TMEM40: variants seen among roughly 807,000 people sequenced by gnomAD.
TMEM40 encodes transmembrane protein 40.
In TMEM40, 34 loss-of-function variants were observed where a neutral mutation model predicts 40.8. That is an observed-to-expected ratio of 0.83 (90% CI 0.63 to 1.11). TMEM40 has a LOEUF of 1.11. Among genes scored for constraint, TMEM40 ranks in the 50% least tolerant of loss-of-function variants. The pLI is 0.00. For synonymous variants in TMEM40, 106 were observed against 107.0 expected (o/e 0.99, Z 0.06); for missense variants, 296 against 280.2 (o/e 1.06, Z -0.40).
intron 3 of TMEM40, among the ~76,000 whole-genome samples, chr3:12,745,067 AT>A (rs909652543): frequency 6.6e-5 from 10 of 151,372 alleles, no homozygotes; most frequent in Non-Finnish European, 1.2e-4. Context: ...AATTATTCCA[AT>A]TTTTTTTTGA....
intron 3 of TMEM40, 90 bp from the exon 4 acceptor site, chr3:12,744,079 T>A (rs2061407728): frequency 3.0e-6 from 4 of 1,348,370 alleles, no homozygotes; most frequent in Admixed American, 4.2e-5. Context: ...CAGAATTTAG[T>A]TTATGAGAAG....
intron 3 of TMEM40, among the ~76,000 whole-genome samples, chr3:12,744,552 G>A (rs555673989): frequency 9.3e-4 from 141 of 152,312 alleles, no homozygotes; most frequent in African/African-American, 3.1e-3. Flanking sequence ...GAGGGCCAGC[G>A]GTCTTGTGAT....
At chr3:12,756,860 T>C (rs1039136252) in intron 1 of TMEM40, among the ~76,000 whole-genome samples, 1 of 150,972 alleles carries the variant, frequency 6.6e-6, no homozygotes, top group African/African-American at 2.4e-5. Flanking sequence ...ATATACACAC[T>C]CTCTCTCTCA....
chr3:12,754,136 C>T (rs1032279237), intron 1 of TMEM40, among the ~76,000 whole-genome samples: 2 of 152,160 alleles, frequency 1.3e-5, no homozygotes, highest in African/African-American at 4.8e-5. Flanking sequence ...CACGGTGAAA[C>T]CCCGTCTCTA....
Position 12,740,131 on chromosome 3 carries a change from C to T in TMEM40, c.356-1543G>A, listed in dbSNP as rs2061370028. On this transcript the variant is annotated intron_variant, in intron 5 of 11. Coordinates refer to ENST00000314124, the MANE Select transcript of TMEM40 (RefSeq NM_018306.4). ...TATTTTGAGACAGAGTCTCACTGTG[C>T]CACCCAGGCTGGAGTGCAGCGGCAT... Among the ~76,000 whole-genome samples the T allele has an allele frequency of 2.0e-5, 3 of 149,582 alleles. No individual in the cohort carries two copies. The South Asian group carries it at 6.3e-4, about 31-fold the overall frequency.
At chr3:12,769,076 G>A (rs2061609815) in intron 1 of TMEM40, among the ~76,000 whole-genome samples, 1 of 152,110 alleles carries the variant, frequency 6.6e-6, no homozygotes, top group Admixed American at 6.5e-5. Context: ...GCATTGCTGG[G>A]GTACCCGGCG....
intron 11 of TMEM40, among the ~76,000 whole-genome samples, chr3:12,735,011 C>G (rs1013492772): frequency 2.6e-5 from 4 of 152,214 alleles, no homozygotes; most frequent in Admixed American, 2.6e-4. Context: ...AGCCACACAG[C>G]CACTTGGCCT....
intron 10 of TMEM40, among the ~76,000 whole-genome samples, chr3:12,735,846 A>G (rs1369844160): frequency 6.6e-6 from 1 of 152,198 alleles, no homozygotes; most frequent in Non-Finnish European, 1.5e-5. Context: ...TCCCAACTCC[A>G]TTAACTAACT....
intron 1 of TMEM40, among the ~76,000 whole-genome samples, chr3:12,767,701 A>G (rs2061600424): frequency 1.3e-5 from 2 of 152,138 alleles, no homozygotes; most frequent in African/African-American, 4.8e-5. Context: ...GGTGGTCTCC[A>G]AGGGGACGGG....
chr3:12,763,033 T>A (rs1233309846), upstream of TMEM40, among the ~76,000 whole-genome samples: 1 of 150,598 alleles, frequency 6.6e-6, no homozygotes, highest in Non-Finnish European at 1.5e-5. Flanking sequence ...GGTGGCGGGC[T>A]CCCGTAGTCC....
At chr3:12,758,999 G>T (rs768656182) in intron 1 of TMEM40, among the ~76,000 whole-genome samples, 192 bp downstream of exon 1, 1 of 152,106 alleles carries the variant, frequency 6.6e-6, no homozygotes, top group South Asian at 2.1e-4. Context: ...AACCCAGGAA[G>T]GTGAATATTT....
chr3:12,737,429 C>A, intron 8 of TMEM40: 1 of 535,102 alleles, frequency 1.9e-6, no homozygotes, highest in Non-Finnish European at 3.3e-6. Context: ...AGTGACTGTG[C>A]ATAGCAGAAA....
chr3:12,738,073 AC>A (rs2061350739), intron 7 of TMEM40, 62 bp downstream of exon 7: 33 of 1,601,498 alleles, frequency 2.1e-5, no homozygotes, highest in Non-Finnish European at 2.7e-5. Flanking sequence ...CTGTCTGAGG[AC>A]CCAACCCATC....
At chr3:12,751,320 C>T (rs906314508) in intron 1 of TMEM40, among the ~76,000 whole-genome samples, 6 of 150,010 alleles carry the variant, frequency 4.0e-5, no homozygotes, top group African/African-American at 1.2e-4. Context: ...TCGCTTCTGT[C>T]GCCCAGGCTG....
chr3:12,755,194 C>CTTTCTTT (rs1559533163), intron 1 of TMEM40, among the ~76,000 whole-genome samples: 35 of 119,046 alleles, frequency 2.9e-4, no homozygotes, highest in East Asian at 1.3e-3. Context: ...TTCCTTCCTT[C>CTTTCTTT]CTTCCTTTCT....
intron 8 of TMEM40, 113 bp from the exon 9 acceptor site, chr3:12,736,948 AG>A: frequency 7.7e-7 from 1 of 1,293,308 alleles, no homozygotes. Context: ...GTGCGATCCC[AG>A]CTCATTGCAG....
At chr3:12,755,610 A>G (rs576611679) in intron 1 of TMEM40, among the ~76,000 whole-genome samples, 3 of 152,160 alleles carry the variant, frequency 2.0e-5, no homozygotes, top group Non-Finnish European at 4.4e-5. Context: ...AAAGTACAGG[A>G]GGAAAATATT....
intron 1 of TMEM40, among the ~76,000 whole-genome samples, chr3:12,753,240 A>T (rs2061492978): frequency 1.0e-5 from 1 of 97,534 alleles, no homozygotes; most frequent in Admixed American, 1.5e-4. Context: ...TTTTTTTGAG[A>T]CAGGGTCTCA....
chr3:12,768,747 C>A (rs866956529), intron 1 of TMEM40, among the ~76,000 whole-genome samples: 89 of 152,218 alleles, frequency 5.8e-4, no homozygotes, highest in Middle Eastern at 3.4e-3. Flanking sequence ...GATCCCGCAC[C>A]GGGGGCCGCA....
Sources: allele counts gnomAD v4.1 joint callset (sites outside exome capture counted in the v4.1 genomes callset), GRCh38; gene constraint gnomAD v4.1.1; transcripts MANE v1.5; gene names NCBI Gene and HGNC (gene_info 2026-07-23, HGNC 2026-07-21).